Variants in FAF1 observed in about 807,000 individuals in gnomAD.
FAF1 encodes the protein FAS-associated factor 1.
In FAF1, 25 loss-of-function variants were observed where a neutral mutation model predicts 92.5. The ratio of observed to expected loss-of-function variants is 0.27; its 90% CI spans 0.20 to 0.38. The LOEUF is 0.38. FAF1 is among the 10% of genes least tolerant of loss of function. The pLI is 1.00. For missense variants in FAF1, 636 were observed against 793.3 expected (o/e 0.80, Z 2.38); for synonymous variants, 234 against 273.2 (o/e 0.86, Z 1.42).
intron 4 of FAF1, among the ~76,000 whole-genome samples, chr1:50,751,210 T>C (rs1283609499): frequency 5.3e-5 from 8 of 151,132 alleles, no homozygotes; most frequent in Admixed American, 5.3e-4. Context: ...TTTGTAAACT[T>C]GATAGAGGGC....
intron 7 of FAF1, among the ~76,000 whole-genome samples, chr1:50,683,845 T>C (rs1569757070): frequency 6.7e-6 from 1 of 150,272 alleles, no homozygotes; most frequent in Non-Finnish European, 1.5e-5. Flanking sequence ...GGCAGGAAAA[T>C]AGCTTGAACC....
chr1:50,502,175 G>A (rs911309166), intron 15 of FAF1, among the ~76,000 whole-genome samples: 2 of 152,156 alleles, frequency 1.3e-5, no homozygotes, highest in Non-Finnish European at 2.9e-5. Flanking sequence ...TGGGTTTGGA[G>A]AACTGAGTTC....
At chr1:50,575,444 T>C (rs1001473738) in intron 12 of FAF1, among the ~76,000 whole-genome samples, 1 of 152,226 alleles carries the variant, frequency 6.6e-6, no homozygotes, top group African/African-American at 2.4e-5. Flanking sequence ...CTGATATACA[T>C]GTTTATAGAT....
chr1:50,852,885 G>T (rs1644362225), intron 2 of FAF1, among the ~76,000 whole-genome samples: 2 of 152,156 alleles, frequency 1.3e-5, no homozygotes, highest in African/African-American at 4.8e-5. Flanking sequence ...TGGAATGGTT[G>T]TCAGGTTAAA....
intron 1 of FAF1, among the ~76,000 whole-genome samples, chr1:50,903,994 A>G (rs894849870): frequency 6.6e-6 from 1 of 152,218 alleles, no homozygotes; most frequent in Non-Finnish European, 1.5e-5. Flanking sequence ...GAATTAACAT[A>G]TGATCTAACA....
intron 4 of FAF1, among the ~76,000 whole-genome samples, chr1:50,767,643 T>C (rs1046099453): frequency 5.9e-5 from 9 of 152,006 alleles, no homozygotes; most frequent in Admixed American, 5.9e-4. Flanking sequence ...CCAGAAGAGA[T>C]TGGGGGTTTA....
chr1:50,552,288 C>T (rs576906894), intron 13 of FAF1, among the ~76,000 whole-genome samples: 80 of 146,908 alleles, frequency 5.4e-4, no homozygotes, highest in African/African-American at 1.7e-3. Flanking sequence ...CAGAGTGAGA[C>T]TCTGTTTCCA....
intron 9 of FAF1, among the ~76,000 whole-genome samples, chr1:50,590,165 A>T (rs1166658322): frequency 6.6e-6 from 1 of 152,314 alleles, no homozygotes; most frequent in East Asian, 1.9e-4. Context: ...TTGAAATTCC[A>T]TATGAATTTT....
At chr1:50,579,292 T>C (rs923720264) in intron 12 of FAF1, among the ~76,000 whole-genome samples, 9 of 152,106 alleles carry the variant, frequency 5.9e-5, no homozygotes, top group Admixed American at 4.6e-4. Context: ...ATGTGTGAGG[T>C]ATACATAGTA....
At chr1:50,938,989 T>C (rs1298655769) in intron 1 of FAF1, among the ~76,000 whole-genome samples, 1 of 152,240 alleles carries the variant, frequency 6.6e-6, no homozygotes, top group Non-Finnish European at 1.5e-5. Flanking sequence ...TACTTTGAAG[T>C]TGGGTGGTAT....
chr1:50,589,782 G>C (rs1651415339), intron 9 of FAF1, among the ~76,000 whole-genome samples: 1 of 152,030 alleles, frequency 6.6e-6, no homozygotes, highest in Non-Finnish European at 1.5e-5. Flanking sequence ...TTTGCCCTAT[G>C]TTTTCTTTTA....
intron 4 of FAF1, among the ~76,000 whole-genome samples, chr1:50,775,011 T>A (rs1054510497): frequency 6.6e-6 from 1 of 152,152 alleles, no homozygotes; most frequent in Admixed American, 6.6e-5. Context: ...TTTCAAACCT[T>A]GTTGCATCTT....
intron 3 of FAF1, among the ~76,000 whole-genome samples, chr1:50,793,001 CT>C (rs916546563): frequency 3.3e-5 from 5 of 151,200 alleles, no homozygotes; most frequent in African/African-American, 4.9e-5. Flanking sequence ...TGTTTGTTTT[CT>C]TTTTTTTTAT....
intron 9 of FAF1, among the ~76,000 whole-genome samples, chr1:50,591,145 T>C (rs747162378): frequency 3.3e-5 from 5 of 152,210 alleles, no homozygotes; most frequent in Non-Finnish European, 5.9e-5. Context: ...AGTTTTACCA[T>C]GAAAGGGTGT....
rs994892929 is a variant in FAF1, at chr1:50,525,355, A to G, written c.1494+10014T>C. On this transcript the variant is annotated intron_variant, in intron 15 of 18. Coordinates refer to ENST00000396153, the MANE Select transcript of FAF1 (RefSeq NM_007051.3). ...GTTTTTCCATTTGTTTGTATCTTTCAGATTCCTTACAGCTAGTGTACAGAG... is the reference window on the plus strand; with the variant it reads ...GTTTTTCCATTTGTTTGTATCTTTCGGATTCCTTACAGCTAGTGTACAGAG... Among the ~76,000 whole-genome samples, 12 of 152,322 alleles carry G rather than the reference A, an allele frequency of 7.9e-5. 1 individual carries two copies. The highest frequency in any genetic ancestry group is 2.6e-4 in the African/African-American group (11 of 41,576).
chr1:50,555,750 T>C (rs1456076476), intron 13 of FAF1, among the ~76,000 whole-genome samples: 1 of 152,020 alleles, frequency 6.6e-6, no homozygotes, highest in African/African-American at 2.4e-5. Flanking sequence ...GATTCAGCAA[T>C]CCCACTACTG....
chr1:50,578,656 G>A (rs1033968599), intron 12 of FAF1, among the ~76,000 whole-genome samples: 4 of 152,122 alleles, frequency 2.6e-5, no homozygotes, highest in Non-Finnish European at 4.4e-5. Flanking sequence ...ATGGGAATAT[G>A]AGGATTATAT....
chr1:50,912,688 T>A (rs560457585), intron 1 of FAF1, among the ~76,000 whole-genome samples: 1 of 152,208 alleles, frequency 6.6e-6, no homozygotes, highest in African/African-American at 2.4e-5. Flanking sequence ...CTCTACACTA[T>A]GCAATCTACT....
At chr1:50,567,285 CTTAAATT>C in intron 12 of FAF1, 54 bp from the exon 13 acceptor site, 1 of 1,423,582 alleles carries the variant, frequency 7.0e-7, no homozygotes, top group Non-Finnish European at 9.5e-7. Context: ...TGTAAGATTT[CTTAAATT>C]TTAGAGAGGC....
Sources: gnomAD v4.1 joint callset for allele counts (sites outside exome capture counted in the v4.1 genomes callset) on GRCh38, gnomAD v4.1.1 for gene constraint, MANE v1.5 for transcripts, NCBI Gene and HGNC (gene_info 2026-07-23, HGNC 2026-07-21) for gene names.